Variants in PTGER3 observed in about 807,000 individuals in gnomAD.
PTGER3 encodes prostaglandin E receptor 3, also known as prostaglandin E2 receptor EP3 subtype.
A neutral mutation model predicts 34.7 loss-of-function variants in PTGER3; 22 were observed. That is an observed-to-expected ratio of 0.63 (90% confidence interval 0.45 to 0.91). The LOEUF is 0.91. PTGER3 is among the 40% of genes least tolerant of loss of function. The probability of loss-of-function intolerance (pLI) is 0.00; values close to 1 mark genes in which losing one functional copy is unlikely to be tolerated. For synonymous variants in PTGER3, 241 were observed against 230.1 expected, an observed-to-expected ratio of 1.05 and a Z score of -0.43; for missense variants, 468 against 519.4, an observed-to-expected ratio of 0.90 and a Z score of 0.96.
intron 1 of PTGER3, among the ~76,000 whole-genome samples, chr1:71,037,878 G>A (rs1028704503): frequency 9.9e-5 from 15 of 152,178 alleles, no homozygotes; most frequent in Non-Finnish European, 1.6e-4. Flanking sequence ...GTCCTCACAA[G>A]TCGGGGGTCA....
chr1:71,030,714 A>T (rs1659336259), intron 1 of PTGER3, among the ~76,000 whole-genome samples: 1 of 152,106 alleles, frequency 6.6e-6, no homozygotes. Flanking sequence ...CTTCTACGGG[A>T]TTTTTCAGAA....
chr1:70,952,881 G>A (rs764892957), exon 4 of PTGER3: 9 of 1,566,290 alleles, frequency 5.7e-6, no homozygotes, highest in Middle Eastern at 3.4e-4. Context: ...TTAAAACACA[G>A]CACTCCTGTA....
intron 2 of PTGER3, chr1:71,008,790 T>C (rs539404910): frequency 1.0e-6 from 1 of 954,322 alleles, no homozygotes. Flanking sequence ...TTGTCATTGT[T>C]GATGGTTTGT....
chr1:70,887,293 T>G (rs1445562228), intron 4 of PTGER3, among the ~76,000 whole-genome samples: 2 of 152,210 alleles, frequency 1.3e-5, no homozygotes, highest in East Asian at 3.9e-4. Flanking sequence ...TTCCTGGCAC[T>G]TTTCATGCAT....
chr1:71,040,124 A>G (rs1660182463), intron 1 of PTGER3, among the ~76,000 whole-genome samples: 1 of 151,744 alleles, frequency 6.6e-6, no homozygotes, highest in Non-Finnish European at 1.5e-5. Context: ...AAGAAAAAAA[A>G]GAAAGAGAAA....
At chr1:70,961,842 T>C (rs1651960879) in intron 2 of PTGER3, among the ~76,000 whole-genome samples, 1 of 152,200 alleles carries the variant, frequency 6.6e-6, no homozygotes, top group South Asian at 2.1e-4. Context: ...AAAAGGATTG[T>C]AGTAAAATTG....
At chr1:71,012,924 AATAT>A (rs1657572267) in intron 1 of PTGER3, among the ~76,000 whole-genome samples, 2 of 34,232 alleles carry the variant, frequency 5.8e-5, no homozygotes, top group African/African-American at 3.6e-4. Context: ...GAAAGGAGGA[AATAT>A]TATTATTATT....
intron 4 of PTGER3, among the ~76,000 whole-genome samples, chr1:70,918,435 G>A (rs1474141098): frequency 6.6e-6 from 1 of 151,950 alleles, no homozygotes; most frequent in Non-Finnish European, 1.5e-5. Context: ...CTTCTTCACA[G>A]TCAAGGAAAC....
At chr1:70,975,097 A>G (rs572711876) in intron 2 of PTGER3, among the ~76,000 whole-genome samples, 2 of 152,182 alleles carry the variant, frequency 1.3e-5, no homozygotes, top group Admixed American at 6.5e-5. Context: ...ATGGCATATG[A>G]AACGTATAGT....
intron 2 of PTGER3, chr1:71,009,140 T>G (rs994293434): frequency 1.0e-6 from 1 of 985,188 alleles, no homozygotes; most frequent in African/African-American, 1.7e-5. Context: ...AAGCCTAATC[T>G]ACTTGAAAAT....
chr1:70,865,019 C>T (rs936351320), intron 4 of PTGER3, among the ~76,000 whole-genome samples: 11 of 151,826 alleles, frequency 7.2e-5, no homozygotes, highest in Admixed American at 2.0e-4. Flanking sequence ...AGGAAGGGGA[C>T]GTGACAGTGT....
At chr1:70,897,677 T>C (rs1404498369) in intron 4 of PTGER3, among the ~76,000 whole-genome samples, 1 of 152,162 alleles carries the variant, frequency 6.6e-6, no homozygotes, top group Non-Finnish European at 1.5e-5. Context: ...CCAAGGTCCA[T>C]CACTTCACAA....
At chr1:71,004,655 T>A (rs1205511586) in intron 2 of PTGER3, among the ~76,000 whole-genome samples, 1 of 152,230 alleles carries the variant, frequency 6.6e-6, no homozygotes. Context: ...AGACAAAGAC[T>A]CACTTTAGGT....
intron 4 of PTGER3, among the ~76,000 whole-genome samples, chr1:70,856,209 A>C (rs1434618821): frequency 3.3e-5 from 5 of 152,172 alleles, no homozygotes; most frequent in African/African-American, 1.2e-4. Context: ...CAAAGTTGTC[A>C]GTTATCTTTA....
intron 2 of PTGER3, 164 bp downstream of exon 2, chr1:71,012,141 A>T (rs1366331475): frequency 1.3e-6 from 2 of 1,526,964 alleles, no homozygotes; most frequent in African/African-American, 2.8e-5. Flanking sequence ...CATGCCAGAG[A>T]TGCCTAAATT....
At chr1:71,030,248 T>A (rs1378620477) in intron 1 of PTGER3, among the ~76,000 whole-genome samples, 1 of 152,144 alleles carries the variant, frequency 6.6e-6, no homozygotes. Flanking sequence ...TATAGTAACA[T>A]GCCTGAATTC....
intron 2 of PTGER3, among the ~76,000 whole-genome samples, chr1:70,975,248 A>C (rs918774805): frequency 6.6e-6 from 1 of 152,190 alleles, no homozygotes; most frequent in Non-Finnish European, 1.5e-5. Flanking sequence ...GTGGATAAGC[A>C]TTTGTGGCCT....
chr1:70,911,932 T>C (rs1647070398), intron 4 of PTGER3, among the ~76,000 whole-genome samples: 2 of 152,142 alleles, frequency 1.3e-5, no homozygotes. Flanking sequence ...ACCTGTAAAA[T>C]TTTTTGTACT....
intron 4 of PTGER3, among the ~76,000 whole-genome samples, chr1:70,917,567 T>C (rs766175208): frequency 3.3e-5 from 5 of 152,148 alleles, no homozygotes; most frequent in Admixed American, 2.0e-4. Flanking sequence ...TTTGGATATA[T>C]ACCCAGTAAA....
Sources: gnomAD v4.1 joint callset for allele counts (sites outside exome capture counted in the v4.1 genomes callset) on GRCh38, gnomAD v4.1.1 for gene constraint, MANE v1.5 for transcripts, NCBI Gene and HGNC (gene_info 2026-07-23, HGNC 2026-07-21) for gene names.